NHSL2: variants seen among roughly 807,000 people sequenced by gnomAD.
NHSL2 encodes the protein NHS-like protein 2.
In NHSL2, 27 loss-of-function variants were observed where a neutral mutation model predicts 53.4. The ratio of observed to expected loss-of-function variants is 0.51; its 90% CI spans 0.37 to 0.70. NHSL2 has a LOEUF of 0.70. Ranked by LOEUF, NHSL2 falls within the 30% of genes least tolerant of loss-of-function variation. The pLI is 0.00. For missense variants in NHSL2, 892 were observed against 980.1 expected (o/e 0.91, Z 1.20); for synonymous variants, 408 against 404.1 (o/e 1.01, Z -0.12).
intron 1 of NHSL2, among the ~76,000 whole-genome samples, chrX:71,957,461 T>A (rs767370834): frequency 8.9e-5 from 10 of 111,871 alleles, no homozygotes; most frequent in African/African-American, 3.2e-4. Flanking sequence ...AGAGATGGGG[T>A]TTCACCGTGT....
rs55912050 is a variant in NHSL2, at chrX:72,144,704, GCA to G, written c.*1171_*1172del. On this transcript the variant is annotated 3_prime_UTR_variant, in exon 8 of 8. Transcript: ENST00000633930. The stretch of plus-strand genomic sequence containing the variant: ...CTTGCCAGTTGCTATGGCCCATAAT[GCA>G]CACACACACACACACACACACACAC... 1,112 of 158,724 alleles carry G rather than the reference GCA, an allele frequency of 7.0e-3. 9 individuals are homozygous for G. Among genetic ancestry groups the G allele is most frequent in the African/African-American group, 0.025 (674 of 27,411 alleles). 13.1% of individuals were successfully genotyped at this position (158,724 alleles called of 1,213,427 possible).
intron 1 of NHSL2, chrX:72,129,496 G>A (rs2042261360): frequency 4.1e-6 from 1 of 241,785 alleles, no homozygotes. Flanking sequence ...GTGAGGGTTA[G>A]GAACAACCAG....
chrX:72,081,511 C>T (rs934101340), intron 1 of NHSL2, among the ~76,000 whole-genome samples: 3 of 111,933 alleles, frequency 2.7e-5, no homozygotes, highest in African/African-American at 9.7e-5. Context: ...GATGAAGGCC[C>T]AACACCCCCC....
chrX:71,962,154 C>T lies in NHSL2; in HGVS notation c.280+50787C>T, dbSNP rs754490458. Reference sequence around the variant, plus strand: ...TCATATGTTAAACCACCCTTACTTTCCTGGGATAAATCCTAATTGGCCATG... The same window carrying T: ...TCATATGTTAAACCACCCTTACTTTTCTGGGATAAATCCTAATTGGCCATG... On this transcript the variant is annotated intron_variant, in intron 1 of 7. Coordinates refer to ENST00000633930, the MANE Select transcript of NHSL2 (RefSeq NM_001013627.3). 5.4e-5 allele frequency among the ~76,000 whole-genome samples: 6 copies of T among 112,127 alleles called. No individual in the cohort carries two copies. In the East Asian group the frequency reaches 1.7e-3, roughly 31 times the overall value.
chrX:72,021,247 G>A lies in NHSL2; in HGVS notation c.280+109880G>A, dbSNP rs971912014. The stretch of plus-strand genomic sequence containing the variant: ...GTTTCTCAGTCACCAAATGGAATTG[G>A]TTCCTTAGACATTTTTGCCCTGGCT... On this transcript the variant is annotated intron_variant, in intron 1 of 7. Transcript: ENST00000633930. 1.2e-4 allele frequency among the ~76,000 whole-genome samples: 14 copies of A among 112,358 alleles called. 1 individual carries two copies. The highest frequency in any genetic ancestry group is 4.2e-4 in the African/African-American group (13 of 30,920).
intron 1 of NHSL2, among the ~76,000 whole-genome samples, chrX:71,983,252 A>G (rs2041987693): frequency 9.0e-6 from 1 of 111,328 alleles, no homozygotes; most frequent in Non-Finnish European, 1.9e-5. Flanking sequence ...GAATATACTA[A>G]AAAGCCATTG....
rs7890496 is a variant in NHSL2 at position 71,987,534 on chromosome X, C to G, written c.280+76167C>G. 5.7e-3 allele frequency among the ~76,000 whole-genome samples: 643 copies of G among 112,013 alleles called. 7 individuals are homozygous for G. The highest frequency in any genetic ancestry group is 0.019 in the African/African-American group (599 of 30,856). ...GCATTTAGCAAAGCTAGTATGTGAC[C>G]GAATTTAGACCAAATGTCTAAATTT... On this transcript the variant is annotated intron_variant, in intron 1 of 7. Transcript: ENST00000633930.
rs149289728 is a variant in NHSL2 at position 72,049,468 on chromosome X, C to T, written c.281-82611C>T. ...GCTGTACATCTAGCAGGAGGAGGCA[C>T]CTTATGAATTCCCAGTGCCCGGAGT... On this transcript the variant is annotated intron_variant, in intron 1 of 7. Transcript: ENST00000633930. 3.2e-3 allele frequency among the ~76,000 whole-genome samples: 358 copies of T among 110,902 alleles called. 2 individuals carry two copies. The highest frequency in any genetic ancestry group is 0.011 in the African/African-American group (324 of 30,422).
intron 7 of NHSL2, among the ~76,000 whole-genome samples, 156 bp from the exon 8 acceptor site, chrX:72,143,097 G>A (rs1368562461): frequency 4.5e-5 from 5 of 111,622 alleles, no homozygotes; most frequent in African/African-American, 1.6e-4. Context: ...CCCAACAAGG[G>A]ACTCTGAGGA....
intron 1 of NHSL2, among the ~76,000 whole-genome samples, chrX:71,943,899 G>A (rs2041780538): frequency 8.9e-6 from 1 of 112,093 alleles, no homozygotes; most frequent in African/African-American, 3.2e-5. Flanking sequence ...TCCTACGCTT[G>A]TTGCCTCATG....
At chrX:71,970,754 T>C (rs1220050396) in intron 1 of NHSL2, among the ~76,000 whole-genome samples, 1 of 111,170 alleles carries the variant, frequency 9.0e-6, no homozygotes, top group African/African-American at 3.3e-5. Context: ...TAGTTTGCTT[T>C]TCTTTCACTC....
At chrX:72,100,032 T>A (rs2041978342) in intron 1 of NHSL2, among the ~76,000 whole-genome samples, 1 of 111,296 alleles carries the variant, frequency 9.0e-6, no homozygotes, top group Admixed American at 9.5e-5. Flanking sequence ...AGGTCAGACA[T>A]TGAGGACAAA....
intron 1 of NHSL2, among the ~76,000 whole-genome samples, chrX:71,983,329 G>A (rs1005234186): frequency 9.0e-6 from 1 of 111,052 alleles, no homozygotes; most frequent in African/African-American, 3.3e-5. Context: ...ATTTTGCTTG[G>A]TGCTATGTCT....
intron 1 of NHSL2, among the ~76,000 whole-genome samples, chrX:72,032,322 A>G (rs1017396496): frequency 9.0e-6 from 1 of 110,806 alleles, no homozygotes; most frequent in Non-Finnish European, 1.9e-5. Flanking sequence ...TGAACCCGGG[A>G]GGCGGAGGTT....
At chrX:72,033,454 G>T (rs1264145530) in intron 1 of NHSL2, among the ~76,000 whole-genome samples, 1 of 111,776 alleles carries the variant, frequency 8.9e-6, no homozygotes, top group East Asian at 2.8e-4. Flanking sequence ...CAAAGTGCTG[G>T]GATTACAGGC....
rs1461869091 is a variant in NHSL2 at position 72,145,580 on chromosome X, C to T, written c.*2006C>T. On this transcript the variant is annotated 3_prime_UTR_variant, in exon 8 of 8. Transcript: ENST00000633930. ...GGCCTCAGTTTATATATGAATGCCACATTTGTCTGCTCCAGACTTAGAATT... is the reference window on the plus strand; with the variant it reads ...GGCCTCAGTTTATATATGAATGCCATATTTGTCTGCTCCAGACTTAGAATT... 3 of 112,689 alleles carry T rather than the reference C, an allele frequency of 2.7e-5. No individual in the cohort carries two copies. Among genetic ancestry groups the T allele is most frequent in the African/African-American group, 9.7e-5 (3 of 31,023 alleles). 9.3% of individuals were successfully genotyped at this position (112,689 alleles called of 1,213,427 possible).
At chrX:72,095,373 G>T in intron 1 of NHSL2, among the ~76,000 whole-genome samples, 1 of 112,639 alleles carries the variant, frequency 8.9e-6, no homozygotes, top group Non-Finnish European at 1.9e-5. Flanking sequence ...AATTTGCCAA[G>T]AAGTGCCCAT....
chrX:72,088,663 A>G, intron 1 of NHSL2, among the ~76,000 whole-genome samples: 1 of 111,824 alleles, frequency 8.9e-6, no homozygotes, highest in South Asian at 3.7e-4. Context: ...TTCAGTCCAT[A>G]CTACACATCA....
At chrX:71,949,976 G>C (rs1043773375) in intron 1 of NHSL2, among the ~76,000 whole-genome samples, 1 of 113,314 alleles carries the variant, frequency 8.8e-6, no homozygotes. Context: ...CAGACCACAC[G>C]GTTGGCAGCA....
Sources: gnomAD v4.1 joint callset for allele counts (sites outside exome capture counted in the v4.1 genomes callset) on GRCh38, gnomAD v4.1.1 for gene constraint, MANE v1.5 for transcripts, NCBI Gene and HGNC (gene_info 2026-07-23, HGNC 2026-07-21) for gene names.